The following CSMD1 variants were observed in gnomAD, a reference collection of about 807,000 sequenced individuals.
CSMD1 encodes the protein CUB and Sushi multiple domains 1, also known as CUB and sushi domain-containing protein 1.
Under a neutral mutation model 417.5 loss-of-function variants are expected in CSMD1, and 213 were observed. The observed-to-expected ratio is 0.51, with a 90% confidence interval of 0.46 to 0.57. The LOEUF (loss-of-function observed/expected upper bound fraction) is 0.57. Among genes scored for constraint, CSMD1 ranks in the 20% least tolerant of loss-of-function variants. The pLI, the probability that CSMD1 is intolerant of heterozygous loss-of-function variation, is 0.00. For missense variants in CSMD1, 6,923 were observed against 4,529.7 expected (o/e 1.53, Z -15.17); for synonymous variants, 2,862 against 1,736.8 (o/e 1.65, Z -16.11).
At chr8:3,221,567 A>G (rs940148390) in intron 28 of CSMD1, among the ~76,000 whole-genome samples, 17 of 147,058 alleles carry the variant, frequency 1.2e-4, no homozygotes, top group African/African-American at 4.3e-4. Context: ...CAAACACTAT[A>G]TATCCCATCT....
At chr8:4,058,317 A>C (rs1281767884) in intron 3 of CSMD1, among the ~76,000 whole-genome samples, 1 of 152,060 alleles carries the variant, frequency 6.6e-6, no homozygotes, top group Non-Finnish European at 1.5e-5. Context: ...GAGTTCACTC[A>C]CGATTTGGCT....
intron 37 of CSMD1, among the ~76,000 whole-genome samples, chr8:3,164,784 A>G (rs1317242819): frequency 1.3e-5 from 2 of 152,202 alleles, no homozygotes; most frequent in Non-Finnish European, 2.9e-5. Context: ...AAGACAAAAT[A>G]TTTTGAAATG....
chr8:4,693,850 T>C (rs1225667825), intron 1 of CSMD1, among the ~76,000 whole-genome samples: 1 of 48,234 alleles, frequency 2.1e-5, no homozygotes, highest in Non-Finnish European at 3.7e-5. Flanking sequence ...CCAGGTCCTA[T>C]TCTTTTTAAC....
At chr8:3,700,051 T>G (rs375740860) in intron 7 of CSMD1, among the ~76,000 whole-genome samples, 1 of 152,124 alleles carries the variant, frequency 6.6e-6, no homozygotes, top group African/African-American at 2.4e-5. Flanking sequence ...GAGAACAAAG[T>G]AGAAAATATG....
chr8:4,366,573 C>T (rs966541162), intron 3 of CSMD1, among the ~76,000 whole-genome samples: 5 of 152,016 alleles, frequency 3.3e-5, no homozygotes, highest in African/African-American at 9.7e-5. Flanking sequence ...TTTTTTTCTG[C>T]AAATTCACCA....
intron 1 of CSMD1, among the ~76,000 whole-genome samples, chr8:4,930,384 C>CAT (rs754242759): frequency 2.3e-3 from 353 of 152,026 alleles, no homozygotes; most frequent in Non-Finnish European, 3.0e-3. Context: ...CACACACACG[C>CAT]ATATATATAT....
rs777120898 is a variant in CSMD1, at chr8:4,622,509, C to G, written c.302+14833G>C. On this transcript the variant is annotated intron_variant, in intron 2 of 69. Coordinates refer to ENST00000635120, the MANE Select transcript of CSMD1 (RefSeq NM_033225.6). ...GAAGCAGAAATTAGTAAGAATGTCTCTTCCTCCTGCTGTGTCCATGCAGCA... is the reference window on the plus strand; with the variant it reads ...GAAGCAGAAATTAGTAAGAATGTCTGTTCCTCCTGCTGTGTCCATGCAGCA... 5.3e-5 allele frequency among the ~76,000 whole-genome samples: 8 copies of G among 152,156 alleles called. 1 individual carries two copies. The highest frequency in any genetic ancestry group is 1.2e-4 in the Non-Finnish European group (8 of 68,022).
intron 29 of CSMD1, 95 bp from the exon 30 acceptor site, chr8:3,214,786 A>T (rs539106691): frequency 1.1e-6 from 1 of 920,990 alleles, no homozygotes; most frequent in Admixed American, 2.8e-5. Context: ...TGTGTTATTT[A>T]GGGCCTAGAA....
intron 2 of CSMD1, among the ~76,000 whole-genome samples, chr8:4,626,538 G>A (rs904407066): frequency 3.3e-5 from 5 of 152,012 alleles, no homozygotes; most frequent in African/African-American, 2.4e-5. Flanking sequence ...ATCTTAAAGC[G>A]GTTGTAAGAA....
At chr8:4,149,207 G>C (rs542895632) in intron 3 of CSMD1, among the ~76,000 whole-genome samples, 1 of 151,894 alleles carries the variant, frequency 6.6e-6, no homozygotes, top group South Asian at 2.1e-4. Context: ...CAGGTGATCC[G>C]TCCACCTCGG....
At chr8:3,913,172 T>C (rs1387906995) in intron 5 of CSMD1, among the ~76,000 whole-genome samples, 1 of 152,044 alleles carries the variant, frequency 6.6e-6, no homozygotes, top group Non-Finnish European at 1.5e-5. Flanking sequence ...CAGGGAGATG[T>C]TGAGTTGAGA....
chr8:3,167,290 A>AG (rs1353556980), intron 37 of CSMD1, among the ~76,000 whole-genome samples: 10 of 135,032 alleles, frequency 7.4e-5, no homozygotes, highest in African/African-American at 3.1e-4. Context: ...ACTTGGAAAA[A>AG]GAAAAAAAAA....
chr8:4,040,819 A>G (rs904041177), intron 3 of CSMD1, among the ~76,000 whole-genome samples: 1 of 152,144 alleles, frequency 6.6e-6, no homozygotes. Context: ...ATAGCACGTG[A>G]AAGACTTTAG....
At chr8:4,767,545 G>T (rs1434017160) in intron 1 of CSMD1, among the ~76,000 whole-genome samples, 3 of 152,104 alleles carry the variant, frequency 2.0e-5, no homozygotes, top group Non-Finnish European at 4.4e-5. Context: ...TCACCATCCT[G>T]TCCTGTGTGT....
chr8:3,382,147 T>G (rs557775049), intron 18 of CSMD1, among the ~76,000 whole-genome samples: 70 of 151,840 alleles, frequency 4.6e-4, no homozygotes, highest in Non-Finnish European at 8.7e-4. Context: ...TAATCCCGGC[T>G]GCTCGGGAGG....
intron 1 of CSMD1, among the ~76,000 whole-genome samples, chr8:4,876,446 T>A (rs1803048304): frequency 6.6e-6 from 1 of 152,112 alleles, no homozygotes. Context: ...ACTTCATACA[T>A]ACTAAGAACA....
chr8:4,540,589 A>T (rs535755098), intron 2 of CSMD1, among the ~76,000 whole-genome samples: 2 of 152,274 alleles, frequency 1.3e-5, no homozygotes, highest in African/African-American at 2.4e-5. Context: ...AATTAAAGAT[A>T]ATAAGCACTA....
At chr8:3,107,287 T>A (rs570670573) in intron 45 of CSMD1, 3 of 159,172 alleles carry the variant, frequency 1.9e-5, no homozygotes, top group Non-Finnish European at 4.1e-5. Context: ...TCTTATTATA[T>A]CCCAGTTTCA....
chr8:3,449,093 G>A (rs1316443825), intron 12 of CSMD1, among the ~76,000 whole-genome samples: 1 of 152,172 alleles, frequency 6.6e-6, no homozygotes, highest in Non-Finnish European at 1.5e-5. Flanking sequence ...TCCAATCCAT[G>A]AGTTCTACAC....
Sources: gnomAD v4.1 joint callset for allele counts (sites outside exome capture counted in the v4.1 genomes callset) on GRCh38, gnomAD v4.1.1 for gene constraint, MANE v1.5 for transcripts, NCBI Gene and HGNC (gene_info 2026-07-23, HGNC 2026-07-21) for gene names.